Variants in GRM5 observed in about 807,000 individuals in gnomAD.
GRM5 encodes metabotropic glutamate receptor 5.
A neutral mutation model predicts 83.1 loss-of-function variants in GRM5; 19 were observed. The ratio of observed to expected loss-of-function variants is 0.23; its 90% CI spans 0.16 to 0.34. The LOEUF (loss-of-function observed/expected upper bound fraction) is 0.34, where lower values mean the gene tolerates loss of function less well. Among genes scored for constraint, GRM5 ranks in the 10% least tolerant of loss-of-function variants. The pLI is 1.00. For synonymous variants in GRM5, 675 were observed against 633.6 expected, an observed-to-expected ratio of 1.07 and a Z score of -0.98; for missense variants, 1,160 against 1,588.3, an observed-to-expected ratio of 0.73 and a Z score of 4.58.
At chr11:88,997,289 T>G (rs1490052729) in intron 2 of GRM5, among the ~76,000 whole-genome samples, 1 of 146,322 alleles carries the variant, frequency 6.8e-6, no homozygotes, top group African/African-American at 2.6e-5. Context: ...ATTGCGCCAC[T>G]GTACTCCAGC....
intron 4 of GRM5, among the ~76,000 whole-genome samples, chr11:88,650,741 T>C (rs1254006195): frequency 6.6e-6 from 1 of 152,046 alleles, no homozygotes; most frequent in Non-Finnish European, 1.5e-5. Context: ...GACTATTATA[T>C]AATGCAGATT....
chr11:88,569,989 G>C (rs1328374121), intron 7 of GRM5, among the ~76,000 whole-genome samples: 1 of 152,036 alleles, frequency 6.6e-6, no homozygotes, highest in East Asian at 1.9e-4. Context: ...TATGCCTAAG[G>C]GTAGCTTCGT....
intron 3 of GRM5, among the ~76,000 whole-genome samples, chr11:88,729,642 G>A (rs1231725846): frequency 6.6e-6 from 1 of 152,144 alleles, no homozygotes; most frequent in African/African-American, 2.4e-5. Flanking sequence ...CAAGGCTGCA[G>A]TAACCAAAAC....
chr11:88,776,914 G>A (rs1942866173), intron 3 of GRM5, among the ~76,000 whole-genome samples: 1 of 152,104 alleles, frequency 6.6e-6, no homozygotes, highest in African/African-American at 2.4e-5. Context: ...ACAATTATGT[G>A]TCTTGGGGTT....
In GRM5 at chr11:88,700,945, G is replaced by A. The variant is rs183055669; in HGVS notation, c.912-47542C>T. ...TCTGTGTCCCTAGGAGGCAGAATAC[G>A]TTTGTGCAGCAATAAGACAATTGAT... On this transcript the variant is annotated intron_variant, in intron 3 of 9. Coordinates refer to ENST00000305447, the MANE Select transcript of GRM5 (RefSeq NM_001143831.3). Among the ~76,000 whole-genome samples, 19 of 152,228 alleles carry A rather than the reference G, an allele frequency of 1.2e-4. No homozygotes were observed. The East Asian group carries it at 2.5e-3, about 20-fold the overall frequency.
intron 2 of GRM5, among the ~76,000 whole-genome samples, chr11:88,978,384 T>C (rs1939406606): frequency 6.6e-6 from 1 of 151,256 alleles, no homozygotes; most frequent in African/African-American, 2.4e-5. Flanking sequence ...CAGGGGTGTC[T>C]ACTCTTTTGG....
chr11:88,960,185 C>A (rs1384614764), intron 2 of GRM5, among the ~76,000 whole-genome samples: 1 of 152,030 alleles, frequency 6.6e-6, no homozygotes, highest in Non-Finnish European at 1.5e-5. Context: ...GGCATGCAGT[C>A]AGAGAAGTAG....
chr11:88,567,007 T>A lies in GRM5; in HGVS notation c.2630+46A>T, dbSNP rs765971247. 9.6e-6 allele frequency: 12 copies of A among 1,249,086 alleles called. No homozygotes were observed. Among genetic ancestry groups the A allele is most frequent in the South Asian group, 1.4e-5 (1 of 71,720 alleles). 77.4% of individuals were successfully genotyped at this position (1,249,086 alleles called of 1,614,324 possible). On this transcript the variant is annotated intron_variant, in intron 8 of 9. Transcript: ENST00000305447. The surrounding 1 kb of genome is among the most constrained non-coding windows in gnomAD (Gnocchi z 7.3). ...AGACCCAGGAAACACATGCCTCTGC[T>A]CCAGTTTTAGGGGCCAGCATCCCTG...
chr11:89,014,547 G>A (rs1177117207), intron 2 of GRM5, among the ~76,000 whole-genome samples: 2 of 152,052 alleles, frequency 1.3e-5, no homozygotes, highest in South Asian at 2.1e-4. Context: ...TCTGGGAAGT[G>A]GAGGCACAGA....
At chr11:89,021,992 T>G (rs1346057116) in intron 2 of GRM5, among the ~76,000 whole-genome samples, 4 of 152,208 alleles carry the variant, frequency 2.6e-5, no homozygotes, top group Non-Finnish European at 4.4e-5. Context: ...GAATTTGAGA[T>G]GATAACAAAC....
At chr11:88,645,700 GA>G (rs1375188855) in intron 4 of GRM5, among the ~76,000 whole-genome samples, 1 of 152,032 alleles carries the variant, frequency 6.6e-6, no homozygotes, top group African/African-American at 2.4e-5. Context: ...AATGGGGAAG[GA>G]AAAAGCTGTT....
chr11:88,775,842 G>T (rs1446139615), intron 3 of GRM5, among the ~76,000 whole-genome samples: 1 of 152,138 alleles, frequency 6.6e-6, no homozygotes, highest in Non-Finnish European at 1.5e-5. Flanking sequence ...CATTTGCTGA[G>T]GAGTGATTTA....
intron 3 of GRM5, among the ~76,000 whole-genome samples, chr11:88,839,496 C>T (rs1316505360): frequency 1.3e-5 from 2 of 152,192 alleles, no homozygotes; most frequent in Non-Finnish European, 2.9e-5. Context: ...ATGCCATTTT[C>T]ATTCATAATA....
At chr11:88,556,324 C>CTTTTCTTTTTT (rs1565337272) in intron 8 of GRM5, among the ~76,000 whole-genome samples, 1 of 129,754 alleles carries the variant, frequency 7.7e-6, no homozygotes, top group African/African-American at 2.9e-5. Flanking sequence ...CTTTTCTTTT[C>CTTTTCTTTTTT]TTTTTTTTTT....
At chr11:88,671,915 C>A (rs1052917320) in intron 3 of GRM5, among the ~76,000 whole-genome samples, 1 of 151,968 alleles carries the variant, frequency 6.6e-6, no homozygotes, top group African/African-American at 2.4e-5. Flanking sequence ...TTTCTGTGCT[C>A]TTTTGGTTGT....
chr11:88,878,457 A>G (rs1944895801), intron 2 of GRM5, among the ~76,000 whole-genome samples: 1 of 152,118 alleles, frequency 6.6e-6, no homozygotes, highest in African/African-American at 2.4e-5. Flanking sequence ...CTTGAGTACC[A>G]CAGAAGGTCC....
intron 3 of GRM5, among the ~76,000 whole-genome samples, chr11:88,787,131 ATG>A (rs57116541): frequency 0.22 from 31,947 of 142,956 alleles, 3,545 homozygotes; most frequent in South Asian, 0.44. Context: ...ATATGATATG[ATG>A]TGTGTGTGTG....
At position 88,509,301 on chromosome 11, in the gene GRM5, G is replaced by C; in HGVS notation, c.2930C>G (p.Thr977Arg). The C allele has an allele frequency of 6.5e-7, 1 of 1,538,352 alleles. No individual in the cohort carries two copies. Among genetic ancestry groups the C allele is most frequent in the Non-Finnish European group, 8.7e-7 (1 of 1,145,240 alleles). The change falls in exon 10 of 10, where the codon ACG (threonine) becomes AGG (arginine). Residue 977 changes from threonine to arginine, a missense_variant. By Grantham distance (71) the Thr-to-Arg change is moderately conservative. Coordinates refer to ENST00000305447, the MANE Select transcript of GRM5 (RefSeq NM_001143831.3). ...GGCGCCTGCGCAGCCCGCACCGCCC[G>C]TGGCCCCCACGCCCCCAGCGCTCCC... is the stretch of plus-strand genomic sequence containing the variant. ...AGGSAGGVGA[T>R]GGAGCAGAGP...
Position 88,578,920 on chromosome 11 carries a change from T to G in GRM5, c.1691-10928A>C, listed in dbSNP as rs115873558. ...TAGAGATCCTGTTAGAAAGAATCCA[T>G]TGATTCACAATCACTTCCATATTTC... On this transcript the variant is annotated intron_variant, in intron 7 of 9. Coordinates refer to ENST00000305447, the MANE Select transcript of GRM5 (RefSeq NM_001143831.3). Among the ~76,000 whole-genome samples, 1,118 of 152,082 alleles carry G rather than the reference T, an allele frequency of 7.4e-3. 11 individuals are homozygous for G. Among genetic ancestry groups the G allele is most frequent in the African/African-American group, 0.026 (1,080 of 41,518 alleles).
Sources: allele counts gnomAD v4.1 joint callset (sites outside exome capture counted in the v4.1 genomes callset), GRCh38; gene constraint gnomAD v4.1.1; non-coding constraint Gnocchi (gnomAD v3.1); transcripts MANE v1.5; gene names NCBI Gene and HGNC (gene_info 2026-07-23, HGNC 2026-07-21).